RFFL: variants seen among roughly 807,000 people sequenced by gnomAD.
The protein encoded by RFFL is ring finger and FYVE like domain containing E3 ubiquitin protein ligase, also known as E3 ubiquitin-protein ligase rififylin.
RFFL carries 16 observed loss-of-function variants against 40.4 expected under a neutral mutation model. The observed-to-expected ratio is 0.40, with a 90% confidence interval of 0.27 to 0.60. RFFL has a LOEUF of 0.60. Among genes scored for constraint, RFFL ranks in the 20% least tolerant of loss-of-function variants. RFFL has a pLI of 0.47. For missense variants in RFFL, 367 were observed against 451.7 expected (o/e 0.81, Z 1.70); for synonymous variants, 154 against 167.9 (o/e 0.92, Z 0.64).
intron 1 of RFFL, among the ~76,000 whole-genome samples, chr17:35,080,802 T>C (rs1259722840): frequency 6.6e-6 from 1 of 152,178 alleles, no homozygotes; most frequent in African/African-American, 2.4e-5. Context: ...TTTCCCCTAC[T>C]CTTAGAACTA....
At chr17:35,049,902 C>A (rs901398033) in intron 1 of RFFL, among the ~76,000 whole-genome samples, 4 of 151,658 alleles carry the variant, frequency 2.6e-5, no homozygotes, top group African/African-American at 9.7e-5. Flanking sequence ...GCCAACATGG[C>A]GAAACCCTGT....
chr17:35,053,103 A>T (rs2091241094), intron 1 of RFFL, among the ~76,000 whole-genome samples: 2 of 152,246 alleles, frequency 1.3e-5, no homozygotes, highest in Non-Finnish European at 2.9e-5. Context: ...TGGCATTAGT[A>T]TCTGAATTTA....
At chr17:35,030,337 A>G (rs1462449155) in intron 1 of RFFL, among the ~76,000 whole-genome samples, 2 of 150,360 alleles carry the variant, frequency 1.3e-5, no homozygotes, top group Non-Finnish European at 3.0e-5. Flanking sequence ...ATTTCTCCAC[A>G]TCCTCTCCAG....
intron 1 of RFFL, among the ~76,000 whole-genome samples, chr17:35,075,722 A>T (rs939868457): frequency 7.2e-5 from 11 of 152,224 alleles, no homozygotes; most frequent in African/African-American, 1.7e-4. Context: ...CTCCAAATCA[A>T]CACTAATTTT....
intron 5 of RFFL, among the ~76,000 whole-genome samples, chr17:35,015,930 G>A (rs1269478394): frequency 1.3e-5 from 2 of 152,182 alleles, no homozygotes; most frequent in East Asian, 3.9e-4. Flanking sequence ...AAGAGCCCAA[G>A]TGCAGATGGA....
chr17:35,076,552 C>T (rs1166292944), intron 1 of RFFL, among the ~76,000 whole-genome samples: 1 of 151,610 alleles, frequency 6.6e-6, no homozygotes, highest in African/African-American at 2.4e-5. Flanking sequence ...GTGATGCATG[C>T]CTATAATCCC....
intron 1 of RFFL, among the ~76,000 whole-genome samples, chr17:35,061,207 AC>A (rs1445042360): frequency 1.3e-5 from 2 of 152,312 alleles, no homozygotes; most frequent in African/African-American, 4.8e-5. Flanking sequence ...TTAGATGTGG[AC>A]TTTAAAAAGA....
chr17:35,013,120 T>C (rs2090951264), intron 6 of RFFL, among the ~76,000 whole-genome samples: 1 of 152,242 alleles, frequency 6.6e-6, no homozygotes, highest in African/African-American at 2.4e-5. Context: ...TCTTGTTATT[T>C]TCATTTTATA....
At chr17:35,035,441 C>T (rs2091114721) in intron 1 of RFFL, among the ~76,000 whole-genome samples, 1 of 151,610 alleles carries the variant, frequency 6.6e-6, no homozygotes, top group Non-Finnish European at 1.5e-5. Context: ...TTCTGCCACC[C>T]CACAGTCTCC....
intron 1 of RFFL, among the ~76,000 whole-genome samples, chr17:35,084,637 C>T (rs2091420178): frequency 1.3e-5 from 2 of 150,330 alleles, no homozygotes; most frequent in South Asian, 4.2e-4. Flanking sequence ...CACCTATAAT[C>T]CCAGCACTTT....
chr17:35,017,515 G>A lies in RFFL; in HGVS notation c.675+8C>T. ...AGGTGAAGACACAGACCCAAGCAGA[G>A]GCCCCACCTGGGTCTCATCCTCAGC... On this transcript the variant is annotated splice_region_variant and intron_variant, in intron 4 of 6. Transcript: ENST00000394597. 1 of 1,597,704 alleles carries A rather than the reference G, an allele frequency of 6.3e-7. No homozygotes were observed. The highest frequency in any genetic ancestry group is 2.2e-5 in the East Asian group (1 of 44,632).
intron 2 of RFFL, among the ~76,000 whole-genome samples, chr17:35,024,648 C>T (rs1268182972): frequency 6.6e-6 from 1 of 151,994 alleles, no homozygotes; most frequent in African/African-American, 2.4e-5. Flanking sequence ...GTGCTTTGCA[C>T]CCAATAAGCA....
At chr17:35,048,565 G>A (rs1443601481) in intron 1 of RFFL, among the ~76,000 whole-genome samples, 1 of 152,058 alleles carries the variant, frequency 6.6e-6, no homozygotes, top group Non-Finnish European at 1.5e-5. Context: ...TCTCAGAGGT[G>A]GTCAGAGTGG....
chr17:35,059,300 T>C lies in RFFL; in HGVS notation c.-9+4276A>G, dbSNP rs540566653. On this transcript the variant is annotated intron_variant, in intron 1 of 6. Coordinates refer to ENST00000394597, the MANE Select transcript of RFFL (RefSeq NM_001017368.2). The stretch of plus-strand genomic sequence containing the variant: ...TCCCAAAGTGCTGAGATTACAGGCA[T>C]GAGCCACTGCGCTCGGCCACTCGAT... Among the ~76,000 whole-genome samples, 454 of 152,250 alleles carry C rather than the reference T, an allele frequency of 3.0e-3. 2 individuals are homozygous for C. Among genetic ancestry groups the C allele is most frequent in the Middle Eastern group, 0.014 (4 of 294 alleles).
chr17:35,026,368 A>G lies in RFFL; in HGVS notation c.180+6T>C. On this transcript the variant is annotated splice_donor_region_variant and intron_variant, in intron 2 of 6. Coordinates refer to ENST00000394597, the MANE Select transcript of RFFL (RefSeq NM_001017368.2). ...TGGCAGAGCAGGCCAAGAAGTCAGC[A>G]CTCACCTTCCTGGCCGTGTTTGCAA... 1 of 1,613,136 alleles carries G rather than the reference A, an allele frequency of 6.2e-7. No homozygotes were observed. Among genetic ancestry groups the G allele is most frequent in the East Asian group, 2.2e-5 (1 of 44,834 alleles).
intron 1 of RFFL, among the ~76,000 whole-genome samples, chr17:35,063,308 A>T (rs923458650): frequency 5.3e-5 from 8 of 151,894 alleles, no homozygotes; most frequent in Non-Finnish European, 7.4e-5. Context: ...ATACAAAATT[A>T]GCCGGGCATG....
chr17:35,072,911 C>T lies in RFFL; in HGVS notation c.-9+16194G>A, dbSNP rs149943578. ...ATACAAAATTAGCCAGGCATGGTAGCGTGCATCTGTAATCTCAGCTACTCA... is the reference window on the plus strand; with the variant it reads ...ATACAAAATTAGCCAGGCATGGTAGTGTGCATCTGTAATCTCAGCTACTCA... On this transcript the variant is annotated intron_variant, in intron 1 of 6. Transcript: ENST00000315249. Among the ~76,000 whole-genome samples, 130 of 152,032 alleles carry T rather than the reference C, an allele frequency of 8.6e-4. 2 individuals are homozygous for T. In the East Asian group the frequency reaches 0.023, roughly 27 times the overall value.
intron 2 of RFFL, 135 bp downstream of exon 2, chr17:35,026,239 T>C: frequency 1.2e-6 from 1 of 824,726 alleles, no homozygotes; most frequent in Non-Finnish European, 1.9e-6. Context: ...TTGAACATTT[T>C]TGTGAAAGGG....
intron 3 of RFFL, among the ~76,000 whole-genome samples, chr17:35,019,866 G>T (rs2090997909): frequency 6.6e-6 from 1 of 152,208 alleles, no homozygotes; most frequent in Non-Finnish European, 1.5e-5. Context: ...GCCAAAAAGG[G>T]AGTTAAATGA....
Sources: allele counts gnomAD v4.1 joint callset (sites outside exome capture counted in the v4.1 genomes callset), GRCh38; gene constraint gnomAD v4.1.1; transcripts MANE v1.5; gene names NCBI Gene and HGNC (gene_info 2026-07-23, HGNC 2026-07-21).